Variants in CNTNAP2 observed in about 807,000 individuals in gnomAD.
CNTNAP2 encodes contactin-associated protein-like 2.
A neutral mutation model predicts 155.2 loss-of-function variants in CNTNAP2; 98 were observed. That is an observed-to-expected ratio of 0.63 (90% CI 0.54 to 0.75). The LOEUF (loss-of-function observed/expected upper bound fraction) is 0.75. Among genes scored for constraint, CNTNAP2 ranks in the 30% least tolerant of loss-of-function variants. The pLI is 0.00. For synonymous variants in CNTNAP2, 651 were observed against 631.2 expected (o/e 1.03, Z -0.47); for missense variants, 1,727 against 1,688.1 (o/e 1.02, Z -0.40).
intron 11 of CNTNAP2, among the ~76,000 whole-genome samples, chr7:147,561,196 A>G (rs1002884352): frequency 4.6e-5 from 7 of 152,202 alleles, no homozygotes; most frequent in African/African-American, 1.7e-4. Context: ...GTACTATTTT[A>G]TAGTTTAACA....
chr7:147,564,675 C>T (rs1244151503), intron 12 of CNTNAP2, among the ~76,000 whole-genome samples: 1 of 152,164 alleles, frequency 6.6e-6, no homozygotes, highest in Non-Finnish European at 1.5e-5. Context: ...ACACACAGGA[C>T]TAGTCTACTC....
At chr7:147,263,449 T>G (rs572889815) in intron 8 of CNTNAP2, among the ~76,000 whole-genome samples, 152 of 152,292 alleles carry the variant, frequency 1.0e-3, no homozygotes, top group Non-Finnish European at 1.6e-3. Context: ...GGTGATATTT[T>G]AAATTTAAAA....
intron 15 of CNTNAP2, among the ~76,000 whole-genome samples, chr7:148,034,849 T>G (rs1250396381): frequency 6.6e-6 from 1 of 152,134 alleles, no homozygotes; most frequent in Admixed American, 6.5e-5. Flanking sequence ...GATCAGAATG[T>G]TGGTAGAAAT....
chr7:147,448,222 T>C (rs1797773715), intron 10 of CNTNAP2, among the ~76,000 whole-genome samples: 1 of 152,130 alleles, frequency 6.6e-6, no homozygotes, highest in Non-Finnish European at 1.5e-5. Context: ...TCTTTTAATG[T>C]TTGTAGTTTT....
intron 8 of CNTNAP2, among the ~76,000 whole-genome samples, chr7:147,157,544 C>G (rs1294176241): frequency 6.6e-6 from 1 of 152,118 alleles, no homozygotes; most frequent in Non-Finnish European, 1.5e-5. Flanking sequence ...CAAGGCTCAC[C>G]TTTATTTCCC....
chr7:148,107,896 C>T (rs1804258730), intron 15 of CNTNAP2, among the ~76,000 whole-genome samples: 1 of 152,202 alleles, frequency 6.6e-6, no homozygotes, highest in African/African-American at 2.4e-5. Context: ...CCAGTGTGAG[C>T]CATTTGGTGA....
intron 14 of CNTNAP2, among the ~76,000 whole-genome samples, chr7:147,908,837 A>C (rs1800012008): frequency 6.6e-6 from 1 of 152,228 alleles, no homozygotes. Flanking sequence ...TCATTGGATT[A>C]AGATGAACTA....
intron 8 of CNTNAP2, among the ~76,000 whole-genome samples, chr7:147,245,629 C>T (rs1804044352): frequency 6.6e-6 from 1 of 151,878 alleles, no homozygotes; most frequent in Non-Finnish European, 1.5e-5. Context: ...GTCAGGAGTT[C>T]AAGACCAGCC....
chr7:147,045,189 A>C (rs561036244), intron 4 of CNTNAP2, among the ~76,000 whole-genome samples: 3 of 152,180 alleles, frequency 2.0e-5, no homozygotes, highest in Middle Eastern at 3.4e-3. Context: ...TGGTTTCTCT[A>C]TGTTATGCAA....
At chr7:146,260,504 G>A (rs1430493426) in intron 1 of CNTNAP2, among the ~76,000 whole-genome samples, 2 of 152,224 alleles carry the variant, frequency 1.3e-5, no homozygotes, top group South Asian at 2.1e-4. Context: ...GCTGTTCAAG[G>A]CCTTGGGAGC....
At chr7:147,604,395 CAATTGTTACTCTTATT>C (rs1554410415) in intron 12 of CNTNAP2, among the ~76,000 whole-genome samples, 1 of 152,176 alleles carries the variant, frequency 6.6e-6, no homozygotes, top group Non-Finnish European at 1.5e-5. Flanking sequence ...CAGTCTATTG[CAATTGTTACTCTTATT>C]CATGATCACA....
At chr7:146,998,425 A>C (rs535136877) in intron 3 of CNTNAP2, among the ~76,000 whole-genome samples, 35 of 151,976 alleles carry the variant, frequency 2.3e-4, no homozygotes, top group African/African-American at 8.2e-4. Flanking sequence ...AAACTTGTGG[A>C]GGCTTGTTTG....
chr7:147,566,238 A>G (rs1246791940), intron 12 of CNTNAP2, among the ~76,000 whole-genome samples: 2 of 148,702 alleles, frequency 1.3e-5, no homozygotes, highest in Non-Finnish European at 3.0e-5. Flanking sequence ...CAAGGCTGCA[A>G]TGAGCCATGA....
chr7:147,398,266 G>A (rs557009098), intron 10 of CNTNAP2, among the ~76,000 whole-genome samples: 1 of 151,800 alleles, frequency 6.6e-6, no homozygotes, highest in African/African-American at 2.4e-5. Context: ...CTTTCTCCTC[G>A]CTGAGACTTT....
chr7:146,487,121 G>A (rs1273678148), intron 1 of CNTNAP2, among the ~76,000 whole-genome samples: 1 of 152,144 alleles, frequency 6.6e-6, no homozygotes, highest in Admixed American at 6.5e-5. Flanking sequence ...ATACGTATAA[G>A]TCATGATCTC....
intron 8 of CNTNAP2, among the ~76,000 whole-genome samples, chr7:147,193,835 G>A (rs1319979010): frequency 6.6e-6 from 1 of 152,134 alleles, no homozygotes; most frequent in Non-Finnish European, 1.5e-5. Context: ...GAAGGCAAGA[G>A]GAGGAGAGTA....
intron 18 of CNTNAP2, among the ~76,000 whole-genome samples, chr7:148,181,108 C>T (rs1482705011): frequency 6.6e-6 from 1 of 152,194 alleles, no homozygotes; most frequent in African/African-American, 2.4e-5. Flanking sequence ...CTAAGAGTTA[C>T]ACCATTGGCT....
intron 18 of CNTNAP2, among the ~76,000 whole-genome samples, chr7:148,203,790 G>C (rs1239821982): frequency 6.6e-6 from 1 of 152,120 alleles, no homozygotes; most frequent in African/African-American, 2.4e-5. Flanking sequence ...TCTAAGTCTG[G>C]TTTTCATAGA....
At chr7:147,505,371 G>A (rs891134956) in intron 11 of CNTNAP2, among the ~76,000 whole-genome samples, 7 of 147,772 alleles carry the variant, frequency 4.7e-5, no homozygotes, top group Admixed American at 6.6e-5. Flanking sequence ...GTTGCCATGC[G>A]CACACACATA....
Sources: gnomAD v4.1 joint callset for allele counts (sites outside exome capture counted in the v4.1 genomes callset) on GRCh38, gnomAD v4.1.1 for gene constraint, MANE v1.5 for transcripts, NCBI Gene and HGNC (gene_info 2026-07-23, HGNC 2026-07-21) for gene names.